EGFLAM: variants seen among roughly 807,000 people sequenced by gnomAD.
EGFLAM encodes the protein pikachurin.
Under a neutral mutation model 113.1 loss-of-function variants are expected in EGFLAM, and 79 were observed. That is an observed-to-expected ratio of 0.70 (90% confidence interval 0.58 to 0.84). The LOEUF (loss-of-function observed/expected upper bound fraction) is 0.84. Ranked by LOEUF, EGFLAM falls within the 40% of genes least tolerant of loss-of-function variation. The pLI is 0.00. For missense variants in EGFLAM, 1,265 were observed against 1,291.6 expected (o/e 0.98, Z 0.32); for synonymous variants, 504 against 487.6 (o/e 1.03, Z -0.44).
intron 10 of EGFLAM, among the ~76,000 whole-genome samples, chr5:38,410,696 A>G (rs1303472101): frequency 3.3e-5 from 5 of 152,140 alleles, no homozygotes; most frequent in Non-Finnish European, 5.9e-5. Flanking sequence ...GGAGGTTGGG[A>G]TAAAAACAAG....
intron 11 of EGFLAM, among the ~76,000 whole-genome samples, chr5:38,414,770 A>G (rs1159909937): frequency 6.6e-6 from 1 of 152,168 alleles, no homozygotes; most frequent in Non-Finnish European, 1.5e-5. Context: ...TTTTCATTAT[A>G]GAGTCAAAGG....
chr5:38,366,174 C>T (rs1032980512), intron 5 of EGFLAM, among the ~76,000 whole-genome samples: 8 of 152,132 alleles, frequency 5.3e-5, no homozygotes, highest in African/African-American at 7.2e-5. Flanking sequence ...CTGCATCAAG[C>T]GGAGATGGGT....
chr5:38,415,349 C>G (rs1741607997), intron 11 of EGFLAM, among the ~76,000 whole-genome samples: 1 of 141,118 alleles, frequency 7.1e-6, no homozygotes, highest in Non-Finnish European at 1.5e-5. Context: ...GGCTGCAGAG[C>G]AAGACTCCAT....
At chr5:38,431,089 C>T (rs963151987) in intron 14 of EGFLAM, 88 bp from the exon 15 acceptor site, 1 of 1,162,656 alleles carries the variant, frequency 8.6e-7, no homozygotes, top group African/African-American at 1.5e-5. Context: ...ACAGACACAC[C>T]CAGAAATAAT....
At position 38,333,916 on chromosome 5, in the gene EGFLAM, G is replaced by GTTTTTT. The variant is rs70978880; in HGVS notation, c.98-3585_98-3580dup. Among the ~76,000 whole-genome samples the GTTTTTT allele has an allele frequency of 3.2e-3, 94 of 29,310 alleles. 4 individuals are homozygous for GTTTTTT. Among genetic ancestry groups the GTTTTTT allele is most frequent in the African/African-American group, 5.4e-3 (34 of 6,258 alleles). 19.2% of individuals were successfully genotyped at this position (29,310 alleles called of 152,430 possible). On this transcript the variant is annotated intron_variant, in intron 1 of 21. Transcript: ENST00000322350. ...TGTCTGTTTATTTTTATTGTTGAGG[G>GTTTTTT]TTTTTTTTTTTTTTTTTTTTTTTTG...
intron 1 of EGFLAM, among the ~76,000 whole-genome samples, chr5:38,326,406 A>G (rs2589822): frequency 0.38 from 56,973 of 151,846 alleles, 14,419 homozygotes; most frequent in African/African-American, 0.72. Context: ...CCCTGATGGC[A>G]CTTTGGTCAC....
At chr5:38,386,092 A>T (rs1386186313) in intron 6 of EGFLAM, among the ~76,000 whole-genome samples, 1 of 152,230 alleles carries the variant, frequency 6.6e-6, no homozygotes, top group East Asian at 1.9e-4. Context: ...ACCATTGTAC[A>T]TGGGTTCCAT....
intron 1 of EGFLAM, among the ~76,000 whole-genome samples, chr5:38,283,290 A>G (rs1758066947): frequency 2.6e-5 from 4 of 152,072 alleles, no homozygotes; most frequent in Admixed American, 2.0e-4. Flanking sequence ...GGGAGGGGGG[A>G]AAAGCTTTAT....
chr5:38,407,119 G>A lies in EGFLAM; in HGVS notation c.1120G>A (p.Gly374Ser), dbSNP rs141957279. The A allele has an allele frequency of 6.9e-5, 112 of 1,613,784 alleles. No homozygotes were observed. The highest frequency in any genetic ancestry group is 9.0e-5 in the Non-Finnish European group (106 of 1,180,032). The change falls in exon 8 of 22, where the codon GGC becomes AGC. Residue 374 changes from glycine (G) to serine (S), a missense_variant. By Grantham distance (56) the Gly-to-Ser change is moderately conservative. Coordinates refer to ENST00000322350, the MANE Select transcript of EGFLAM (RefSeq NM_152403.4). ...GGGCTCGCGATGCCAGTGCACCCTGGGCAAAGGTGGTGAGAGCTGCTCAGA... is the reference window on the plus strand; with the variant it reads ...GGGCTCGCGATGCCAGTGCACCCTGAGCAAAGGTGGTGAGAGCTGCTCAGA... ...WGGSRCQCTL[G>S]KGGESCSEDI...
chr5:38,312,223 T>G (rs959795554), intron 1 of EGFLAM, among the ~76,000 whole-genome samples: 1 of 151,864 alleles, frequency 6.6e-6, no homozygotes, highest in Admixed American at 6.6e-5. Flanking sequence ...CAAAAGTTAC[T>G]CTATCTCTCT....
chr5:38,388,926 AAAAAAAC>A (rs1740738825), intron 6 of EGFLAM, among the ~76,000 whole-genome samples: 1 of 137,208 alleles, frequency 7.3e-6, no homozygotes, highest in African/African-American at 2.9e-5. Flanking sequence ...AGAAAAAAAA[AAAAAAAC>A]AAAAAAAAAT....
chr5:38,352,110 G>C, intron 4 of EGFLAM, 86 bp from the exon 5 acceptor site: 1 of 1,580,602 alleles, frequency 6.3e-7, no homozygotes, highest in Non-Finnish European at 8.6e-7. Flanking sequence ...CGTCTCCAAT[G>C]GCTGAGACCA....
At chr5:38,425,980 G>A (rs991732633) in intron 13 of EGFLAM, among the ~76,000 whole-genome samples, 18 of 152,106 alleles carry the variant, frequency 1.2e-4, no homozygotes, top group African/African-American at 3.9e-4. Context: ...GTGCACAGCT[G>A]TAATCCCAGC....
At chr5:38,428,124 A>G (rs1380028531) in intron 14 of EGFLAM, among the ~76,000 whole-genome samples, 1 of 152,190 alleles carries the variant, frequency 6.6e-6, no homozygotes, top group African/African-American at 2.4e-5. Context: ...GAAACTCACT[A>G]GGATGTTTTG....
chr5:38,448,522 C>T, intron 18 of EGFLAM, 143 bp downstream of exon 18: 2 of 771,522 alleles, frequency 2.6e-6, no homozygotes, highest in South Asian at 1.7e-5. Context: ...GAAAAACACA[C>T]ACAACAAGAA....
At chr5:38,341,725 C>A (rs551223481) in intron 3 of EGFLAM, among the ~76,000 whole-genome samples, 1 of 152,092 alleles carries the variant, frequency 6.6e-6, no homozygotes, top group Non-Finnish European at 1.5e-5. Flanking sequence ...GTTATTATAT[C>A]GTATCATTCT....
At chr5:38,455,527 A>G (rs1181007197) in intron 19 of EGFLAM, among the ~76,000 whole-genome samples, 1 of 152,094 alleles carries the variant, frequency 6.6e-6, no homozygotes, top group Non-Finnish European at 1.5e-5. Flanking sequence ...ACCACCCAAA[A>G]ATGCTCCCTC....
chr5:38,451,894 A>C (rs1286179291), intron 19 of EGFLAM, among the ~76,000 whole-genome samples: 1 of 149,260 alleles, frequency 6.7e-6, no homozygotes, highest in Non-Finnish European at 1.5e-5. Flanking sequence ...AGGGAGGCTG[A>C]GGCAGGAAAA....
intron 15 of EGFLAM, 51 bp downstream of exon 15, chr5:38,431,339 G>A (rs1742181938): frequency 1.3e-6 from 2 of 1,559,718 alleles, no homozygotes; most frequent in African/African-American, 1.4e-5. Flanking sequence ...CCAGATTACT[G>A]TTTTCTGCCT....
Sources: allele counts gnomAD v4.1 joint callset (sites outside exome capture counted in the v4.1 genomes callset), GRCh38; gene constraint gnomAD v4.1.1; transcripts MANE v1.5; gene names NCBI Gene and HGNC (gene_info 2026-07-23, HGNC 2026-07-21).